The following SEMA3F variants were observed in gnomAD, a reference collection of about 807,000 sequenced individuals.
SEMA3F encodes semaphorin-3F.
A neutral mutation model predicts 98.5 loss-of-function variants in SEMA3F; 30 were observed. The observed-to-expected ratio is 0.30, with a 90% CI of 0.23 to 0.41. SEMA3F has a LOEUF of 0.41. Ranked by LOEUF, SEMA3F falls within the 10% of genes least tolerant of loss-of-function variation. The pLI, the probability that SEMA3F is intolerant of heterozygous loss-of-function variation, is 1.00. For missense variants in SEMA3F, 866 were observed against 1,119.3 expected (o/e 0.77, Z 3.23); for synonymous variants, 380 against 444.8 (o/e 0.85, Z 1.83).
In SEMA3F at chr3:50,182,780, C is replaced by T. The variant is rs1333184638; in HGVS notation, c.900C>T (p.Cys300=). Residue 300 remains cysteine, a synonymous_variant, in exon 9 of 19, where the codon TGC becomes TGT. Transcript: ENST00000002829. This position sits in a 1 kb window ranked among gnomAD's most constrained non-coding sequence, Gnocchi z 4.5. Reference sequence around the variant, plus strand: ...TGTACGCCCGCATCGGGCGCATTTGCCTGGTATGCATTGGCAGAGCCACCA... The same window carrying T: ...TGTACGCCCGCATCGGGCGCATTTGTCTGGTATGCATTGGCAGAGCCACCA... ...PAVYARIGRI[C]LNDDGGHCCL... 6.2e-7 allele frequency: 1 copy of T among 1,612,666 alleles called. No homozygotes were observed. Among genetic ancestry groups the T allele is most frequent in the Middle Eastern group, 1.6e-4 (1 of 6,062 alleles).
In SEMA3F at chr3:50,188,172, A is replaced by AAGAT. The variant is rs1553695460; in HGVS notation, c.*59_*62dup. The AAGAT allele has an allele frequency of 7.2e-6, 3 of 416,096 alleles. 1 individual carries two copies. Among genetic ancestry groups the AAGAT allele is most frequent in the Non-Finnish European group, 1.1e-5 (3 of 283,764 alleles). 25.8% of individuals were successfully genotyped at this position (416,096 alleles called of 1,614,324 possible). On this transcript the variant is annotated 3_prime_UTR_variant, in exon 19 of 19. Transcript: ENST00000002829. This position sits in a 1 kb window ranked among gnomAD's most constrained non-coding sequence, Gnocchi z 4.5. ...CTAGCCCTTGTCCCTTTTAATATAA[A>AAGAT]AGATATATATATATATATATATATA...
rs565116134 is a variant in SEMA3F, at chr3:50,157,534, G to C, written c.-49+1970G>C. ...CTGGGGCTGGGTGACAGGCATCTCGGGACTGGCAGAGGGGAAGGCACTGTG... is the reference window on the plus strand; with the variant it reads ...CTGGGGCTGGGTGACAGGCATCTCGCGACTGGCAGAGGGGAAGGCACTGTG... On this transcript the variant is annotated intron_variant, in intron 1 of 18. Transcript: ENST00000002829. Among the ~76,000 whole-genome samples, 11 of 152,132 alleles carry C rather than the reference G, an allele frequency of 7.2e-5. No homozygotes were observed. In the South Asian group the frequency reaches 8.3e-4, roughly 12 times the overall value.
intron 2 of SEMA3F, among the ~76,000 whole-genome samples, chr3:50,168,287 C>A (rs1433392544): frequency 6.6e-6 from 1 of 152,052 alleles, no homozygotes; most frequent in Admixed American, 6.5e-5. Flanking sequence ...GGGTTCCCAT[C>A]CAGAGCATAG....
intron 1 of SEMA3F, chr3:50,159,263 G>A (rs1434243061): frequency 4.7e-6 from 1 of 211,594 alleles, no homozygotes; most frequent in Admixed American, 6.0e-5. Flanking sequence ...CATGCTGGGA[G>A]CTGGAAAGAG....
At position 50,174,212 on chromosome 3, in the gene SEMA3F, G is replaced by A; in HGVS notation, c.337-19G>A. The A allele has an allele frequency of 1.2e-6, 2 of 1,613,738 alleles. No homozygotes were observed. Among genetic ancestry groups the A allele is most frequent in the African/African-American group, 1.3e-5 (1 of 75,062 alleles). ...CAGGCCTGGCCAGGGCACCTATGCA[G>A]CCTTCCCTGTGGCCCCAGGGCGAGT... On this transcript the variant is annotated intron_variant, in intron 4 of 18. Transcript: ENST00000002829.
chr3:50,174,670 C>T (rs940855766), intron 5 of SEMA3F, among the ~76,000 whole-genome samples: 6 of 152,370 alleles, frequency 3.9e-5, no homozygotes, highest in East Asian at 3.9e-4. Flanking sequence ...CGTGCCCCGA[C>T]GGCCGAGCCA....
At position 50,184,790 on chromosome 3, in the gene SEMA3F, T is replaced by C; in HGVS notation, c.1432T>C (p.Tyr478His). Residue 478 changes from tyrosine to histidine, a missense_variant, in exon 13 of 19, where the codon TAT (tyrosine) becomes CAT (histidine). By Grantham distance (83) the Tyr-to-His change is moderately conservative. Transcript: ENST00000002829. ...VDQVDAADGR[Y>H]EVLFLGTDRG... Reference sequence around the variant, plus strand: ...CCAGGTGGATGCAGCCGACGGGCGCTATGAGGTGCTTTTCCTGGGCACAGG... The same window carrying C: ...CCAGGTGGATGCAGCCGACGGGCGCCATGAGGTGCTTTTCCTGGGCACAGG... The C allele has an allele frequency of 6.2e-7, 1 of 1,613,898 alleles. No homozygotes were observed. Among genetic ancestry groups the C allele is most frequent in the Non-Finnish European group, 8.5e-7 (1 of 1,179,902 alleles).
At chr3:50,155,285 C>T, upstream of SEMA3F, 1 of 319,856 alleles carries the variant, frequency 3.1e-6, no homozygotes, top group Non-Finnish European at 5.7e-6. This position sits in a 1 kb window ranked among gnomAD's most constrained non-coding sequence, Gnocchi z 4.9. Flanking sequence ...GCGCGCCGGC[C>T]AGGGGGCGCC....
rs900290773 is a variant in SEMA3F at position 50,182,462 on chromosome 3, C to G, written c.763+59C>G. On this transcript the variant is annotated intron_variant, in intron 8 of 18. Transcript: ENST00000002829. This position sits in a 1 kb window ranked among gnomAD's most constrained non-coding sequence, Gnocchi z 4.5. ...TGTGTCTGGGATGCGGCAAGGAGGT[C>G]GTAAAGAAGCACATGTGGGGGAAGT... The G allele has an allele frequency of 3.7e-6, 6 of 1,606,376 alleles. No individual in the cohort carries two copies. The highest frequency in any genetic ancestry group is 4.2e-6 in the Non-Finnish European group (5 of 1,177,766).
In SEMA3F at chr3:50,159,722, C is replaced by G; in HGVS notation, c.100C>G (p.Leu34Val). Residue 34 changes from leucine to valine, a missense_variant, in exon 2 of 19, where the codon CTC (leucine) becomes GTC (valine). Around this residue, in one of 3 missense-constraint regions of SEMA3F, gnomAD observed 247 missense variants for 276.0 expected, o/e 0.89. Transcript: ENST00000002829. ...CCTCCCGGCCACGCCCCGGGTCCGG[C>G]TCTCATTCAAAGGTAAGAAGCTGTT... Reference protein sequence around the residue: ...DHLPATPRVRLSFKELKATGT... With the variant: ...DHLPATPRVRVSFKELKATGT... The G allele has an allele frequency of 1.2e-6, 2 of 1,607,988 alleles. No homozygotes were observed. The highest frequency in any genetic ancestry group is 8.5e-7 in the Non-Finnish European group (1 of 1,175,242).
intron 2 of SEMA3F, among the ~76,000 whole-genome samples, chr3:50,170,596 G>T (rs1172607697): frequency 1.3e-5 from 2 of 152,066 alleles, no homozygotes; most frequent in Non-Finnish European, 2.9e-5. Flanking sequence ...ATCAGAACGG[G>T]GTCACTGATC....
chr3:50,177,873 T>G (rs1400505978), intron 7 of SEMA3F, among the ~76,000 whole-genome samples: 2 of 151,916 alleles, frequency 1.3e-5, no homozygotes, highest in Non-Finnish European at 2.9e-5. Context: ...AAATAAAAAA[T>G]AAAAAACATT....
At position 50,187,720 on chromosome 3, in the gene SEMA3F, C is replaced by T. The variant is rs143620746; in HGVS notation, c.1963C>T (p.Arg655Cys). 9 of 1,594,680 alleles carry T rather than the reference C, an allele frequency of 5.6e-6. No individual in the cohort carries two copies. The highest frequency in any genetic ancestry group is 7.7e-6 in the Non-Finnish European group (9 of 1,166,388). The change falls in exon 19 of 19, where the codon CGC becomes TGC. Residue 655 changes from arginine to cysteine, a missense_variant. Arg to Cys is a radical substitution (Grantham distance 180). This residue lies in a region of SEMA3F where 245 missense variants were observed against 260.5 expected (regional missense o/e 0.94). Coordinates refer to ENST00000002829, the MANE Select transcript of SEMA3F (RefSeq NM_004186.5). ...GCCCCTGCAGATTCGTGCAGAGGAC[C>T]GCTTCCTGCGCACAGAGCAGGGCTT... is the stretch of plus-strand genomic sequence containing the variant. ...DRRREIRAED[R>C]FLRTEQGLLL...
At chr3:50,167,116 C>G (rs1012387037) in intron 2 of SEMA3F, among the ~76,000 whole-genome samples, 1 of 152,196 alleles carries the variant, frequency 6.6e-6, no homozygotes, top group African/African-American at 2.4e-5. Context: ...GTCTCTTGAC[C>G]ACAGTGTCCT....
chr3:50,186,427 C>G (rs1699217668), intron 17 of SEMA3F, 79 bp downstream of exon 17: 3 of 1,492,902 alleles, frequency 2.0e-6, no homozygotes, highest in Non-Finnish European at 2.8e-6. Flanking sequence ...CTCACAGGGC[C>G]CCCACTGTAA....
chr3:50,186,713 G>A lies in SEMA3F; in HGVS notation c.1914G>A (p.Leu638=). The change falls in exon 18 of 19, where the codon CTG becomes CTA. Residue 638 remains leucine, a synonymous_variant. Coordinates refer to ENST00000002829, the MANE Select transcript of SEMA3F (RefSeq NM_004186.5). ...PRSPQATVKW[L]FQRDPGDRRR... ...CGCCCCAAGCCACTGTTAAGTGGCT[G>A]TTCCAGCGAGATCCTGGTGACCGGC... 1.2e-6 allele frequency: 2 copies of A among 1,607,892 alleles called. No homozygotes were observed. The highest frequency in any genetic ancestry group is 1.7e-6 in the Non-Finnish European group (2 of 1,175,006).
chr3:50,177,787 T>G (rs1414106905), intron 7 of SEMA3F, among the ~76,000 whole-genome samples: 1 of 151,930 alleles, frequency 6.6e-6, no homozygotes, highest in Non-Finnish European at 1.5e-5. Flanking sequence ...TTTGGGAGGC[T>G]GAGGGGAGTG....
intron 16 of SEMA3F, 106 bp from the exon 17 acceptor site, chr3:50,186,175 A>C: frequency 6.8e-7 from 1 of 1,460,364 alleles, no homozygotes; most frequent in South Asian, 1.2e-5. Flanking sequence ...TGGGTAAGAC[A>C]TCACTGCCCT....
chr3:50,172,989 G>A (rs1004509266), intron 2 of SEMA3F, among the ~76,000 whole-genome samples: 3 of 152,186 alleles, frequency 2.0e-5, no homozygotes, highest in Admixed American at 6.5e-5. Flanking sequence ...ATGCTGTTGC[G>A]TACCCTGGCC....
Sources: gnomAD v4.1 joint callset for allele counts (sites outside exome capture counted in the v4.1 genomes callset) on GRCh38, gnomAD v4.1.1 for gene constraint, gnomAD v4.1.1 regional missense constraint, Gnocchi (gnomAD v3.1) non-coding constraint, MANE v1.5 for transcripts, NCBI Gene and HGNC (gene_info 2026-07-23, HGNC 2026-07-21) for gene names.